The following ADGRB3 variants were observed in gnomAD, a reference collection of about 807,000 sequenced individuals.
ADGRB3 encodes the protein brain-specific angiogenesis inhibitor 3.
ADGRB3 carries 37 observed loss-of-function variants against 193.4 expected under a neutral mutation model. The ratio of observed to expected loss-of-function variants is 0.19; its 90% CI spans 0.15 to 0.25. The LOEUF (loss-of-function observed/expected upper bound fraction) is 0.25, where lower values mean the gene tolerates loss of function less well. Ranked by LOEUF, ADGRB3 falls within the 10% of genes least tolerant of loss-of-function variation. The pLI, the probability that ADGRB3 is intolerant of heterozygous loss-of-function variation, is 1.00. For missense variants in ADGRB3, 1,637 were observed against 1,852.9 expected (o/e 0.88, Z 2.14); for synonymous variants, 690 against 644.2 (o/e 1.07, Z -1.08).
chr6:68,834,827 C>G (rs896998923), intron 3 of ADGRB3, among the ~76,000 whole-genome samples: 2 of 152,168 alleles, frequency 1.3e-5, no homozygotes, highest in African/African-American at 4.8e-5. Context: ...TGTGAATATA[C>G]TGTTTATAAA....
At chr6:69,287,522 A>G (rs1582606225) in intron 20 of ADGRB3, among the ~76,000 whole-genome samples, 1 of 152,336 alleles carries the variant, frequency 6.6e-6, no homozygotes, top group South Asian at 2.1e-4. Context: ...CAGGCATCAA[A>G]CTAGGTATCT....
At chr6:68,898,564 A>G (rs1462772156) in intron 3 of ADGRB3, among the ~76,000 whole-genome samples, 1 of 152,112 alleles carries the variant, frequency 6.6e-6, no homozygotes, top group African/African-American at 2.4e-5. Context: ...TCCTGGCACT[A>G]TTTTAAAAAT....
intron 3 of ADGRB3, among the ~76,000 whole-genome samples, chr6:68,768,898 A>G (rs1766563802): frequency 6.6e-6 from 1 of 152,226 alleles, no homozygotes; most frequent in Admixed American, 6.5e-5. Context: ...GACACTTCTC[A>G]AAAGAAGACA....
At position 69,048,320 on chromosome 6, in the gene ADGRB3, C is replaced by T. The variant is rs766127080; in HGVS notation, c.2243C>T (p.Pro748Leu). Residue 748 changes from proline (P) to leucine (L), a missense_variant, in exon 14 of 32, where the codon CCG becomes CTG. Pro to Leu is a moderately conservative substitution (Grantham distance 98, BLOSUM62 -3). Coordinates refer to ENST00000370598, the MANE Select transcript of ADGRB3 (RefSeq NM_001704.3). ...RVVIPKSIFTPVSSKELDESS... is the reference protein window; with the variant it reads ...RVVIPKSIFTLVSSKELDESS... The stretch of plus-strand genomic sequence containing the variant: ...GTAATTCCAAAAAGCATTTTCACTC[C>T]GGTGTCATCAAAAGGTAAATATCTG... The T allele has an allele frequency of 3.2e-5, 52 of 1,612,744 alleles. No individual in the cohort carries two copies. Among genetic ancestry groups the T allele is most frequent in the African/African-American group, 2.9e-4 (22 of 74,784 alleles).
At chr6:69,211,220 GT>G (rs1765660630) in intron 17 of ADGRB3, among the ~76,000 whole-genome samples, 2 of 152,160 alleles carry the variant, frequency 1.3e-5, no homozygotes, top group African/African-American at 4.8e-5. Flanking sequence ...ATTTTTCACT[GT>G]TTGCTGGAAG....
chr6:69,201,765 T>C (rs1345312954), intron 17 of ADGRB3, among the ~76,000 whole-genome samples: 3 of 152,084 alleles, frequency 2.0e-5, no homozygotes, highest in African/African-American at 7.2e-5. Context: ...TATAACAGAA[T>C]TTTCATTATG....
chr6:69,145,080 AC>A (rs1181571586), intron 17 of ADGRB3, among the ~76,000 whole-genome samples: 2 of 151,636 alleles, frequency 1.3e-5, no homozygotes, highest in Non-Finnish European at 2.9e-5. Context: ...TTAGCCAGCA[AC>A]CTCTGTGGCC....
In ADGRB3 at chr6:68,894,654, T is replaced by G. The variant is rs565338224; in HGVS notation, c.758-35905T>G. 2.6e-5 allele frequency among the ~76,000 whole-genome samples: 4 copies of G among 152,030 alleles called. No individual in the cohort carries two copies. In the South Asian group the frequency reaches 6.2e-4, roughly 24 times the overall value. On this transcript the variant is annotated intron_variant, in intron 3 of 31. Coordinates refer to ENST00000370598, the MANE Select transcript of ADGRB3 (RefSeq NM_001704.3). ...TGGTTAGTATAGAAAAAAAATTGCATTCATGGCCTGTGAAATTCAGATGAA... is the reference window on the plus strand; with the variant it reads ...TGGTTAGTATAGAAAAAAAATTGCAGTCATGGCCTGTGAAATTCAGATGAA...
chr6:68,913,522 C>T (rs1013783129), intron 3 of ADGRB3, among the ~76,000 whole-genome samples: 3 of 152,048 alleles, frequency 2.0e-5, no homozygotes, highest in Non-Finnish European at 4.4e-5. Context: ...GAAAGGACAT[C>T]CACACCAAAA....
chr6:69,271,835 G>T (rs1767188535), intron 20 of ADGRB3, among the ~76,000 whole-genome samples: 1 of 151,956 alleles, frequency 6.6e-6, no homozygotes, highest in Admixed American at 6.6e-5. Context: ...CTTATTGTTT[G>T]TTTTTTGCTT....
intron 17 of ADGRB3, among the ~76,000 whole-genome samples, chr6:69,158,257 G>A (rs1295820499): frequency 6.6e-6 from 1 of 151,552 alleles, no homozygotes; most frequent in African/African-American, 2.4e-5. Context: ...AGTTCTTTGG[G>A]TACCAAATAA....
At chr6:69,175,428 T>A (rs757661220) in intron 17 of ADGRB3, among the ~76,000 whole-genome samples, 5 of 152,190 alleles carry the variant, frequency 3.3e-5, no homozygotes, top group African/African-American at 4.8e-5. Context: ...TTGTCAACTT[T>A]GTTGTAAATC....
intron 20 of ADGRB3, among the ~76,000 whole-genome samples, chr6:69,294,311 CT>C (rs1220610833): frequency 6.6e-6 from 1 of 152,016 alleles, no homozygotes; most frequent in African/African-American, 2.4e-5. Context: ...CAATCTGAAT[CT>C]TTTTCTAACA....
In ADGRB3 at chr6:68,999,964, GA is replaced by G. The variant is rs71768860; in HGVS notation, c.1929+6011del. Among the ~76,000 whole-genome samples the G allele has an allele frequency of 5.6e-4, 84 of 149,660 alleles. No individual in the cohort carries two copies. The Middle Eastern group carries it at 0.01, about 18-fold the overall frequency. On this transcript the variant is annotated intron_variant, in intron 11 of 31. Coordinates refer to ENST00000370598, the MANE Select transcript of ADGRB3 (RefSeq NM_001704.3). ...GAATATCTAATTCAGAGGAAAAAAA[GA>G]AAAAAAAATACTTGTTCATTTACTT... is the stretch of plus-strand genomic sequence containing the variant.
At chr6:69,042,303 C>A (rs1222870153) in intron 13 of ADGRB3, among the ~76,000 whole-genome samples, 3 of 152,084 alleles carry the variant, frequency 2.0e-5, no homozygotes, top group Non-Finnish European at 2.9e-5. Flanking sequence ...ACTAAGATAT[C>A]GTGTGTAAAG....
intron 17 of ADGRB3, among the ~76,000 whole-genome samples, chr6:69,135,273 C>CA (rs1329811737): frequency 1.5e-5 from 2 of 136,406 alleles, no homozygotes; most frequent in East Asian, 4.9e-4. Context: ...TACTATTCAG[C>CA]AAAAATCACA....
At chr6:69,165,060 C>G (rs1429862432) in intron 17 of ADGRB3, among the ~76,000 whole-genome samples, 1 of 151,968 alleles carries the variant, frequency 6.6e-6, no homozygotes, top group Non-Finnish European at 1.5e-5. Context: ...AAATCTCTTC[C>G]ACCCGGCATT....
intron 20 of ADGRB3, among the ~76,000 whole-genome samples, chr6:69,245,947 A>T (rs1268612136): frequency 6.6e-6 from 1 of 152,154 alleles, no homozygotes; most frequent in African/African-American, 2.4e-5. Flanking sequence ...ATTTGTGCTT[A>T]TATCTATGAA....
intron 11 of ADGRB3, among the ~76,000 whole-genome samples, chr6:68,998,275 A>G (rs1203874631): frequency 6.6e-6 from 1 of 152,254 alleles, no homozygotes; most frequent in Non-Finnish European, 1.5e-5. Flanking sequence ...CTCTTTTACT[A>G]AGAGCAATAA....
Sources: gnomAD v4.1 joint callset for allele counts (sites outside exome capture counted in the v4.1 genomes callset) on GRCh38, gnomAD v4.1.1 for gene constraint, MANE v1.5 for transcripts, NCBI Gene and HGNC (gene_info 2026-07-23, HGNC 2026-07-21) for gene names.